The following MGAT4C variants were observed in gnomAD, a reference collection of about 807,000 sequenced individuals.
The protein encoded by MGAT4C is alpha-1,3-mannosyl-glycoprotein 4-beta-N-acetylglucosaminyltransferase C.
MGAT4C carries 19 observed loss-of-function variants against 40.1 expected under a neutral mutation model. The observed-to-expected ratio is 0.47, with a 90% confidence interval of 0.33 to 0.70. The LOEUF is 0.70. MGAT4C is among the 30% of genes least tolerant of loss of function. MGAT4C has a pLI of 0.02. For missense variants in MGAT4C, 491 were observed against 563.2 expected, an observed-to-expected ratio of 0.87 and a Z score of 1.30; for synonymous variants, 181 against 187.1, an observed-to-expected ratio of 0.97 and a Z score of 0.27.
intron 2 of MGAT4C, among the ~76,000 whole-genome samples, chr12:85,997,061 G>T (rs1383253175): frequency 6.6e-6 from 1 of 152,176 alleles, no homozygotes; most frequent in African/African-American, 2.4e-5. Flanking sequence ...ACAGAAAGAG[G>T]TTTAATGGAC....
intron 2 of MGAT4C, among the ~76,000 whole-genome samples, chr12:86,711,972 C>T (rs1950563713): frequency 6.6e-6 from 1 of 152,074 alleles, no homozygotes; most frequent in Non-Finnish European, 1.5e-5. Flanking sequence ...GAGCAGACTA[C>T]AATTTTAAAT....
intron 4 of MGAT4C, among the ~76,000 whole-genome samples, chr12:86,280,479 T>A (rs577915334): frequency 6.6e-6 from 1 of 152,172 alleles, no homozygotes; most frequent in Non-Finnish European, 1.5e-5. Flanking sequence ...ACTGTCCTTT[T>A]GACTCAAGAT....
intron 1 of MGAT4C, among the ~76,000 whole-genome samples, chr12:86,092,057 C>T (rs1345350675): frequency 6.6e-6 from 1 of 152,032 alleles, no homozygotes; most frequent in East Asian, 1.9e-4. Context: ...AACCTTTGGC[C>T]CTTCAGTCTT....
chr12:86,020,485 A>C (rs542744956), intron 2 of MGAT4C, among the ~76,000 whole-genome samples: 1 of 152,292 alleles, frequency 6.6e-6, no homozygotes, highest in African/African-American at 2.4e-5. Flanking sequence ...AGAGATGGGG[A>C]AAGGATTCCC....
At chr12:86,552,723 A>C (rs1959427209) in intron 2 of MGAT4C, among the ~76,000 whole-genome samples, 1 of 152,144 alleles carries the variant, frequency 6.6e-6, no homozygotes, top group Non-Finnish European at 1.5e-5. Flanking sequence ...AGAATGTGAA[A>C]AAATAAAAAC....
intron 1 of MGAT4C, among the ~76,000 whole-genome samples, chr12:86,172,511 G>A (rs1430629278): frequency 6.6e-6 from 1 of 151,970 alleles, no homozygotes; most frequent in Non-Finnish European, 1.5e-5. Flanking sequence ...TTATTTTAAT[G>A]GGGGATACAG....
At chr12:86,350,448 G>A (rs1383967621) in intron 3 of MGAT4C, among the ~76,000 whole-genome samples, 1 of 152,114 alleles carries the variant, frequency 6.6e-6, no homozygotes, top group African/African-American at 2.4e-5. Context: ...CTAAATGAAT[G>A]ATGAATACCT....
intron 1 of MGAT4C, among the ~76,000 whole-genome samples, chr12:86,105,710 C>T (rs887315227): frequency 2.6e-5 from 4 of 152,042 alleles, no homozygotes; most frequent in African/African-American, 4.8e-5. Context: ...TATTCCTTTA[C>T]GATTCAATTC....
chr12:86,431,574 A>G (rs1479177256), intron 3 of MGAT4C, among the ~76,000 whole-genome samples: 3 of 152,172 alleles, frequency 2.0e-5, no homozygotes, highest in African/African-American at 7.2e-5. Context: ...TGCACTTAAC[A>G]TACTGAACCA....
chr12:86,515,448 A>G (rs1252062416), intron 2 of MGAT4C, among the ~76,000 whole-genome samples: 1 of 152,194 alleles, frequency 6.6e-6, no homozygotes, highest in Non-Finnish European at 1.5e-5. Context: ...ACAATACAAA[A>G]TCAACTTACA....
intron 1 of MGAT4C, among the ~76,000 whole-genome samples, chr12:86,224,917 A>G (rs140630211): frequency 1.3e-5 from 2 of 152,260 alleles, no homozygotes; most frequent in Middle Eastern, 3.4e-3. Context: ...AAACTAGCAG[A>G]AGGAAGGAAA....
rs192640366 is a variant in MGAT4C, at chr12:86,692,208, A to G, written c.-229+35001T>C. On this transcript the variant is annotated intron_variant, in intron 2 of 7. Coordinates refer to the MGAT4C transcript ENST00000548651. Reference sequence around the variant, plus strand: ...AGGAAAGAGAGAATGGGACATAAGCAATACTTAAAGACAGACTATTTGAAA... The same window carrying G: ...AGGAAAGAGAGAATGGGACATAAGCGATACTTAAAGACAGACTATTTGAAA... 1.7e-4 allele frequency among the ~76,000 whole-genome samples: 26 copies of G among 152,320 alleles called. No homozygotes were observed. In the East Asian group the frequency reaches 4.2e-3, roughly 25 times the overall value.
At chr12:86,193,679 C>T (rs1194346239) in intron 1 of MGAT4C, among the ~76,000 whole-genome samples, 1 of 152,142 alleles carries the variant, frequency 6.6e-6, no homozygotes, top group Non-Finnish European at 1.5e-5. Flanking sequence ...CTAGTAACAG[C>T]ATCATATTAT....
chr12:86,587,010 G>A (rs956373804), intron 2 of MGAT4C, among the ~76,000 whole-genome samples: 1 of 152,098 alleles, frequency 6.6e-6, no homozygotes, highest in Non-Finnish European at 1.5e-5. Context: ...TGGTGTTTTA[G>A]TCATGAAGTC....
At chr12:86,426,806 G>A (rs1956934453) in intron 3 of MGAT4C, among the ~76,000 whole-genome samples, 2 of 152,152 alleles carry the variant, frequency 1.3e-5, no homozygotes, top group Admixed American at 6.5e-5. Context: ...AATTAGCCAG[G>A]TGTGGTGGCG....
intron 1 of MGAT4C, among the ~76,000 whole-genome samples, chr12:86,217,083 A>C (rs989663516): frequency 1.3e-5 from 2 of 152,220 alleles, no homozygotes; most frequent in African/African-American, 4.8e-5. Context: ...TGGCTGAGAA[A>C]AATCTTTACA....
intron 1 of MGAT4C, among the ~76,000 whole-genome samples, chr12:86,056,406 C>T (rs761949610): frequency 6.6e-6 from 1 of 152,196 alleles, no homozygotes; most frequent in African/African-American, 2.4e-5. Flanking sequence ...CCTTAAGGCC[C>T]CAGTGTGTGA....
At chr12:86,650,543 A>G (rs1257755989) in intron 2 of MGAT4C, among the ~76,000 whole-genome samples, 1 of 151,882 alleles carries the variant, frequency 6.6e-6, no homozygotes, top group Non-Finnish European at 1.5e-5. Context: ...TTTCCAAGGG[A>G]CTGAAATTGG....
At chr12:86,213,049 C>G (rs1283981654) in intron 1 of MGAT4C, among the ~76,000 whole-genome samples, 1 of 152,002 alleles carries the variant, frequency 6.6e-6, no homozygotes, top group East Asian at 1.9e-4. Flanking sequence ...CCATATTTCC[C>G]AATGGAATTC....
Sources: gnomAD v4.1 joint callset for allele counts (sites outside exome capture counted in the v4.1 genomes callset) on GRCh38, gnomAD v4.1.1 for gene constraint, MANE v1.5 for transcripts, NCBI Gene and HGNC (gene_info 2026-07-23, HGNC 2026-07-21) for gene names.